The following HEATR9 variants were observed in gnomAD, a reference collection of about 807,000 sequenced individuals.
HEATR9 encodes the protein protein HEATR9.
A neutral mutation model predicts 68.2 loss-of-function variants in HEATR9; 54 were observed. The ratio of observed to expected loss-of-function variants is 0.79; its 90% CI spans 0.64 to 0.99. The LOEUF (loss-of-function observed/expected upper bound fraction) is 0.99, where lower values mean the gene tolerates loss of function less well. HEATR9 is among the 50% of genes least tolerant of loss of function. HEATR9 has a pLI of 0.00. For synonymous variants in HEATR9, 241 were observed against 253.5 expected, an observed-to-expected ratio of 0.95 and a Z score of 0.47; for missense variants, 662 against 679.7, an observed-to-expected ratio of 0.97 and a Z score of 0.29.
In HEATR9 at chr17:35,863,093, T is replaced by C. The variant is rs1568321252; in HGVS notation, c.658A>G (p.Ile220Val). The change falls in exon 8 of 15, where the codon ATC becomes GTC. Residue 220 changes from isoleucine (I) to valine (V), a missense_variant. Ile to Val is a conservative substitution (Grantham distance 29). Transcript: ENST00000604834. ...CLNKHVIRAL[I>V]KQLKEKNEGQ... is the part of the protein sequence containing the mutation. ...TCATTTTTCTCCTTCAGCTGTTTGATGAGAGCCCGGATCACATGCTTATTC... is the reference window on the plus strand; with the variant it reads ...TCATTTTTCTCCTTCAGCTGTTTGACGAGAGCCCGGATCACATGCTTATTC... 2 of 1,614,190 alleles carry C rather than the reference T, an allele frequency of 1.2e-6. No homozygotes were observed. Among genetic ancestry groups the C allele is most frequent in the Admixed American group, 3.3e-5 (2 of 60,026 alleles).
At chr17:35,858,655 G>T in intron 9 of HEATR9, 130 bp from the exon 10 acceptor site, 1 of 883,252 alleles carries the variant, frequency 1.1e-6, no homozygotes. Flanking sequence ...TTCGCCTCTT[G>T]ACCACAGAAG....
chr17:35,856,054 AAAAT>A (rs2087759525), intron 13 of HEATR9, 115 bp downstream of exon 13: 1 of 1,173,992 alleles, frequency 8.5e-7, no homozygotes, highest in Non-Finnish European at 1.2e-6. Context: ...CTGGAATTCT[AAAAT>A]AAACAACTTC....
At chr17:35,862,493 GATA>G (rs1160430206) in intron 8 of HEATR9, among the ~76,000 whole-genome samples, 12 of 152,198 alleles carry the variant, frequency 7.9e-5, no homozygotes, top group African/African-American at 2.2e-4. Flanking sequence ...TAGAGATGAT[GATA>G]ATAATGATGG....
chr17:35,859,079 G>A lies in HEATR9; in HGVS notation c.757-9C>T. The A allele has an allele frequency of 6.2e-7, 1 of 1,612,800 alleles. No individual in the cohort carries two copies. The highest frequency in any genetic ancestry group is 8.5e-7 in the Non-Finnish European group (1 of 1,178,936). ...TCCCCGACTTGAGTCCTCTGTGAGG[G>A]AGACAAAATGGCTAAGGGGAGGGGC... On this transcript the variant is annotated splice_polypyrimidine_tract_variant and intron_variant, in intron 8 of 14. Coordinates refer to ENST00000604834, the MANE Select transcript of HEATR9 (RefSeq NM_152781.4).
At chr17:35,859,360 T>G (rs2087895644) in intron 8 of HEATR9, among the ~76,000 whole-genome samples, 1 of 152,212 alleles carries the variant, frequency 6.6e-6, no homozygotes, top group African/African-American at 2.4e-5. Flanking sequence ...TCCAATATCC[T>G]TGTCCTCTTC....
chr17:35,856,320 A>G, intron 12 of HEATR9, 96 bp from the exon 13 acceptor site: 2 of 1,613,622 alleles, frequency 1.2e-6, no homozygotes, highest in Non-Finnish European at 1.7e-6. Context: ...CGAATTAGGC[A>G]AAGTGATGCT....
At chr17:35,863,472 A>G (rs2088075085) in intron 7 of HEATR9, 30 bp downstream of exon 7, 2 of 1,610,630 alleles carry the variant, frequency 1.2e-6, no homozygotes, top group Non-Finnish European at 1.7e-6. Flanking sequence ...CACTTTCTCA[A>G]CTCCCCACCA....
chr17:35,868,398 A>C (rs148256813), intron 1 of HEATR9, among the ~76,000 whole-genome samples: 54 of 152,340 alleles, frequency 3.5e-4, no homozygotes, highest in African/African-American at 1.2e-3. Flanking sequence ...AATTGAGGGT[A>C]AAGAGCAGGG....
chr17:35,866,686 G>C, intron 2 of HEATR9, 38 bp downstream of exon 2: 1 of 1,594,524 alleles, frequency 6.3e-7, no homozygotes, highest in South Asian at 1.1e-5. Flanking sequence ...TCCTAACTTT[G>C]ATACAGCTCC....
rs1247839441 is a variant in HEATR9 at position 35,868,831 on chromosome 17, C to T, written c.-89G>A. Reference sequence around the variant, plus strand: ...GGGGCACAGCTGGAGGAGACCTGTCCTCTGTGGTACGAGAGGTACAGGGGA... The same window carrying T: ...GGGGCACAGCTGGAGGAGACCTGTCTTCTGTGGTACGAGAGGTACAGGGGA... On this transcript the variant is annotated 5_prime_UTR_variant, in exon 1 of 15. Coordinates refer to ENST00000604834, the MANE Select transcript of HEATR9 (RefSeq NM_152781.4). The T allele has an allele frequency of 1.4e-5, 16 of 1,163,942 alleles. No homozygotes were observed. The highest frequency in any genetic ancestry group is 2.0e-5 in the Non-Finnish European group (16 of 789,852). The allele number at this position is 1,163,942 out of a possible 1,614,324, so 72.1% of individuals were successfully genotyped here. A position where few individuals can be genotyped will look rare whatever the true frequency, so the allele number is the denominator to read the frequency against.
chr17:35,867,428 CAAAAAAAAAAAAAAA>C (rs11315915), intron 1 of HEATR9, among the ~76,000 whole-genome samples: 3 of 40,068 alleles, frequency 7.5e-5, no homozygotes, highest in African/African-American at 2.2e-4. Context: ...GAGCAAGACT[CAAAAAAAAAAAAAAA>C]AAAAAAAAAA....
In HEATR9 at chr17:35,866,667, T is replaced by C. The variant is rs1434016582; in HGVS notation, c.138+57A>G. 6 of 1,503,522 alleles carry C rather than the reference T, an allele frequency of 4.0e-6. No homozygotes were observed. The East Asian group carries it at 1.4e-4, about 34-fold the overall frequency. The allele number at this position is 1,503,522 out of a possible 1,614,324, so 93.1% of individuals were successfully genotyped here. On this transcript the variant is annotated intron_variant, in intron 2 of 14. Transcript: ENST00000604834. ...CTGGCTTTAATGGGAAGGGATAGTT[T>C]GCTGCCCCTCCTAACTTTGATACAG... is the stretch of plus-strand genomic sequence containing the variant.
chr17:35,858,053 G>A (rs1448494178), intron 11 of HEATR9, 147 bp downstream of exon 11: 4 of 1,137,016 alleles, frequency 3.5e-6, no homozygotes, highest in African/African-American at 3.1e-5. Context: ...CAAAGGCAAG[G>A]TGATATAAAA....
intron 6 of HEATR9, chr17:35,864,012 CTT>C: frequency 3.5e-6 from 2 of 572,982 alleles, no homozygotes; most frequent in South Asian, 4.6e-5. Context: ...AGTCCAATGT[CTT>C]TTCGGTTAGA....
At chr17:35,858,711 T>C (rs893159917) in intron 9 of HEATR9, among the ~76,000 whole-genome samples, 177 bp downstream of exon 9, 4 of 152,100 alleles carry the variant, frequency 2.6e-5, no homozygotes, top group Admixed American at 6.6e-5. Context: ...CTATCAAATA[T>C]ACACAGACAC....
At chr17:35,859,979 G>A (rs1170798784) in intron 8 of HEATR9, among the ~76,000 whole-genome samples, 1 of 152,130 alleles carries the variant, frequency 6.6e-6, no homozygotes, top group Non-Finnish European at 1.5e-5. Flanking sequence ...TCCAACACTT[G>A]CACCCATACA....
At chr17:35,864,393 G>A (rs2088117817) in intron 5 of HEATR9, 91 bp from the exon 6 acceptor site, 1 of 1,532,482 alleles carries the variant, frequency 6.5e-7, no homozygotes, top group Non-Finnish European at 9.0e-7. Context: ...GTTTGTGCTT[G>A]GAATACCATC....
At chr17:35,862,369 AG>A (rs2088025203) in intron 8 of HEATR9, among the ~76,000 whole-genome samples, 1 of 152,224 alleles carries the variant, frequency 6.6e-6, no homozygotes, top group Non-Finnish European at 1.5e-5. Context: ...TCTTTTACAT[AG>A]AGCAATGATG....
intron 8 of HEATR9, 54 bp from the exon 9 acceptor site, chr17:35,859,124 T>C (rs1248202498): frequency 6.7e-7 from 1 of 1,492,012 alleles, no homozygotes; most frequent in Non-Finnish European, 9.3e-7. Flanking sequence ...TATGCCAGGC[T>C]TTGTGCTTCC....
Sources: allele counts gnomAD v4.1 joint callset (sites outside exome capture counted in the v4.1 genomes callset), GRCh38; gene constraint gnomAD v4.1.1; transcripts MANE v1.5; gene names NCBI Gene and HGNC (gene_info 2026-07-23, HGNC 2026-07-21).